The following LBP variants were observed in gnomAD, a reference collection of about 807,000 sequenced individuals.
LBP encodes the protein lipopolysaccharide-binding protein.
A neutral mutation model predicts 56.6 loss-of-function variants in LBP; 53 were observed. The observed-to-expected ratio is 0.94, with a 90% CI of 0.75 to 1.18. The LOEUF (loss-of-function observed/expected upper bound fraction) is 1.18. Ranked by LOEUF, LBP falls within the 50% of genes most tolerant of loss-of-function variation. The pLI is 0.00. For missense variants in LBP, 601 were observed against 598.3 expected (o/e 1.00, Z -0.05); for synonymous variants, 227 against 247.5 (o/e 0.92, Z 0.78).
At chr20:38,361,717 A>T (rs1240342450) in intron 6 of LBP, among the ~76,000 whole-genome samples, 1 of 152,042 alleles carries the variant, frequency 6.6e-6, no homozygotes, top group Non-Finnish European at 1.5e-5. Context: ...TTTCATTTTT[A>T]AAAACTTTTT....
intron 5 of LBP, 29 bp from the exon 6 acceptor site, chr20:38,360,675 C>T (rs748407143): frequency 1.3e-5 from 20 of 1,554,188 alleles, no homozygotes; most frequent in Non-Finnish European, 1.8e-5. Flanking sequence ...GGGGAACTCA[C>T]TCAGTCATTC....
At chr20:38,348,460 A>G (rs940887200) in intron 1 of LBP, among the ~76,000 whole-genome samples, 4 of 151,488 alleles carry the variant, frequency 2.6e-5, no homozygotes, top group African/African-American at 9.7e-5. Flanking sequence ...TTACAGGCAC[A>G]TGCTACCACG....
At position 38,354,269 on chromosome 20, in the gene LBP, T is replaced by A; in HGVS notation, c.369-15T>A. 15 of 1,608,492 alleles carry A rather than the reference T, an allele frequency of 9.3e-6. No individual in the cohort carries two copies. Among genetic ancestry groups the A allele is most frequent in the Non-Finnish European group, 1.1e-5 (13 of 1,177,100 alleles). ...TGGTCTAGGAACTAACCATGGCTTC[T>A]CTTACCTCCTCCAGCAAACTACAGG... On this transcript the variant is annotated splice_polypyrimidine_tract_variant and intron_variant, in intron 3 of 14. Coordinates refer to ENST00000217407, the MANE Select transcript of LBP (RefSeq NM_004139.5).
rs146955220 is a variant in LBP, at chr20:38,348,550, G to A, written c.125-998G>A. 4.6e-3 allele frequency among the ~76,000 whole-genome samples: 697 copies of A among 152,018 alleles called. 11 individuals are homozygous for A. The highest frequency in any genetic ancestry group is 0.016 in the African/African-American group (658 of 41,462). On this transcript the variant is annotated intron_variant, in intron 1 of 14. Transcript: ENST00000217407. ...ATGGTCTCGATGATCCACCCGCCTC[G>A]GCCTCCCAAAGTGCTGGGATTACAG...
chr20:38,355,297 G>C (rs775486230), intron 4 of LBP, 49 bp from the exon 5 acceptor site: 4 of 1,568,992 alleles, frequency 2.5e-6, no homozygotes, highest in Non-Finnish European at 3.5e-6. Flanking sequence ...GCTTTCCCAG[G>C]CACCCGGCCA....
At position 38,362,236 on chromosome 20, in the gene LBP, A is replaced by G. The variant is rs561849843; in HGVS notation, c.652+1469A>G. ...ACCACGTCTGGCTAATTTTTTTTGTATTTTTAGTAGAGACGGGGTTTCACC... is the reference window on the plus strand; with the variant it reads ...ACCACGTCTGGCTAATTTTTTTTGTGTTTTTAGTAGAGACGGGGTTTCACC... On this transcript the variant is annotated intron_variant, in intron 6 of 14. Coordinates refer to ENST00000217407, the MANE Select transcript of LBP (RefSeq NM_004139.5). Among the ~76,000 whole-genome samples, 6 of 148,554 alleles carry G rather than the reference A, an allele frequency of 4.0e-5. No homozygotes were observed. In the South Asian group the frequency reaches 1.3e-3, roughly 32 times the overall value.
chr20:38,348,787 A>AGTTTAGTTTTGTTTT lies in LBP; in HGVS notation c.125-757_125-756insAGTTTTGTTTTGTTT, dbSNP rs1402944274. Among the ~76,000 whole-genome samples the AGTTTAGTTTTGTTTT allele has an allele frequency of 4.1e-3, 556 of 135,486 alleles. 7 individuals carry two copies. The highest frequency in any genetic ancestry group is 8.8e-3 in the East Asian group (40 of 4,548). The allele number at this position is 135,486 out of a possible 152,430, so 88.9% of individuals were successfully genotyped here. On this transcript the variant is annotated intron_variant, in intron 1 of 14. Coordinates refer to ENST00000217407, the MANE Select transcript of LBP (RefSeq NM_004139.5). ...AGTTTAGTTTAGTTTAGTTTAGTTT[A>AGTTTAGTTTTGTTTT]GTTTTGTTTTGTTTTGTTTTGTTTG... is the stretch of plus-strand genomic sequence containing the variant.
chr20:38,362,872 C>G (rs1407889709), intron 6 of LBP, among the ~76,000 whole-genome samples: 1 of 151,076 alleles, frequency 6.6e-6, no homozygotes, highest in Non-Finnish European at 1.5e-5. Context: ...CGCTTGAGCC[C>G]AGGAGGTCAA....
rs11536994 is a variant in LBP, at chr20:38,373,379, C to T, written c.1324+244C>T. ...GGAGCACGGGAAACCTCCTTATAAG[C>T]GGGACAGAGGGACACATGGAAGTGC... On this transcript the variant is annotated intron_variant, in intron 13 of 14. Coordinates refer to ENST00000217407, the MANE Select transcript of LBP (RefSeq NM_004139.5). Among the ~76,000 whole-genome samples, 17,715 of 152,028 alleles carry T rather than the reference C, an allele frequency of 0.12. 1,270 individuals are homozygous for T. Among genetic ancestry groups the T allele is most frequent in the African/African-American group, 0.2 (8,320 of 41,432 alleles).
At chr20:38,347,215 C>T (rs941882061) in intron 1 of LBP, among the ~76,000 whole-genome samples, 2 of 152,060 alleles carry the variant, frequency 1.3e-5, no homozygotes, top group Non-Finnish European at 2.9e-5. Context: ...AATTTGTGCC[C>T]GTTAGGTACT....
chr20:38,361,268 T>C (rs1460617521), intron 6 of LBP, among the ~76,000 whole-genome samples: 1 of 152,218 alleles, frequency 6.6e-6, no homozygotes, highest in East Asian at 1.9e-4. Context: ...TTTCAGATAT[T>C]TTCTTTGTAT....
At chr20:38,367,693 T>C (rs1056535309) in intron 9 of LBP, among the ~76,000 whole-genome samples, 2 of 152,212 alleles carry the variant, frequency 1.3e-5, no homozygotes, top group African/African-American at 4.8e-5. Context: ...CAACTCTGCC[T>C]ACCTTCTTAG....
rs769077839 is a variant in LBP at position 38,366,756 on chromosome 20, C to G, written c.922-13C>G. 1 of 1,613,836 alleles carries G rather than the reference C, an allele frequency of 6.2e-7. No individual in the cohort carries two copies. The highest frequency in any genetic ancestry group is 8.5e-7 in the Non-Finnish European group (1 of 1,179,878). On this transcript the variant is annotated splice_polypyrimidine_tract_variant and intron_variant, in intron 8 of 14. Coordinates refer to ENST00000217407, the MANE Select transcript of LBP (RefSeq NM_004139.5). ...GGAGCACCCTAAAACTTCTTCATGT[C>G]TCTTTGCTGCAGATACCGCCTGACT...
intron 6 of LBP, among the ~76,000 whole-genome samples, chr20:38,363,541 T>C (rs1459225893): frequency 6.6e-6 from 1 of 152,188 alleles, no homozygotes; most frequent in Admixed American, 6.5e-5. Context: ...ACATCACCTT[T>C]ACCAGAGGTC....
intron 14 of LBP, among the ~76,000 whole-genome samples, chr20:38,376,108 C>T (rs1178672396): frequency 6.6e-6 from 1 of 152,142 alleles, no homozygotes; most frequent in Non-Finnish European, 1.5e-5. Context: ...AGTATGATAG[C>T]TTCTAGCTCA....
At chr20:38,370,648 TGA>T in intron 10 of LBP, 88 bp from the exon 11 acceptor site, 1 of 1,172,994 alleles carries the variant, frequency 8.5e-7, no homozygotes, top group Non-Finnish European at 1.3e-6. Flanking sequence ...AGCTGTTTGT[TGA>T]GAGGAGACAG....
intron 5 of LBP, among the ~76,000 whole-genome samples, chr20:38,360,259 CA>C (rs11478545): frequency 0.53 from 62,855 of 118,292 alleles, 13,926 homozygotes; most frequent in East Asian, 0.85. Context: ...GACTCCATCT[CA>C]AAAAAAAAAA....
chr20:38,376,625 G>C lies in LBP; in HGVS notation c.1402G>C (p.Asp468His), dbSNP rs780172340. 14 of 1,613,830 alleles carry C rather than the reference G, an allele frequency of 8.7e-6. No individual in the cohort carries two copies. In the South Asian group the frequency reaches 1.5e-4, roughly 18 times the overall value. The stretch of plus-strand genomic sequence containing the variant: ...TCCTGTCCTGTCCTGTTTTTCCTAG[G>C]ACTTCCTGTTCTTGGGTGCCAATGT... The part of the protein sequence containing the change: ...LYDLGLQIHK[D>H]FLFLGANVQY... Residue 468 changes from aspartate (D) to histidine (H), a missense_variant and splice_region_variant, in exon 15 of 15, where the codon GAC becomes CAC. Coordinates refer to ENST00000217407, the MANE Select transcript of LBP (RefSeq NM_004139.5).
chr20:38,347,805 G>C (rs2076806183), intron 1 of LBP, among the ~76,000 whole-genome samples: 1 of 152,110 alleles, frequency 6.6e-6, no homozygotes, highest in Non-Finnish European at 1.5e-5. Flanking sequence ...GCAGCTGGGA[G>C]TCAACTGTCA....
Sources: allele counts gnomAD v4.1 joint callset (sites outside exome capture counted in the v4.1 genomes callset), GRCh38; gene constraint gnomAD v4.1.1; transcripts MANE v1.5; gene names NCBI Gene and HGNC (gene_info 2026-07-23, HGNC 2026-07-21).